Variants in INTS10 observed in about 807,000 individuals in gnomAD.
INTS10 encodes the protein integrator complex subunit 10, also known as chromosome 8 open reading frame 35.
A neutral mutation model predicts 94.4 loss-of-function variants in INTS10; 44 were observed. That is an observed-to-expected ratio of 0.47 (90% confidence interval 0.37 to 0.60). INTS10 has a LOEUF of 0.60. INTS10 is among the 20% of genes least tolerant of loss of function. INTS10 has a pLI of 0.00. For missense variants in INTS10, 797 were observed against 868.7 expected (o/e 0.92, Z 1.04); for synonymous variants, 341 against 320.7 (o/e 1.06, Z -0.68).
At position 19,851,877 on chromosome 8, in the gene INTS10, A is replaced by G. The variant is rs966201771; in HGVS notation, c.*72A>G. The G allele has an allele frequency of 5.3e-5, 72 of 1,360,870 alleles. No homozygotes were observed. The African/African-American group carries it at 8.6e-4, about 16-fold the overall frequency. 84.3% of individuals were successfully genotyped at this position (1,360,870 alleles called of 1,614,324 possible). ...GAGAAGACACTCAGCAGTGATTGCC[A>G]TGGCACAGAGCCGTGGTCATTGTTG... On this transcript the variant is annotated 3_prime_UTR_variant, in exon 17 of 17. Coordinates refer to ENST00000397977, the MANE Select transcript of INTS10 (RefSeq NM_018142.4). The surrounding 1 kb of genome is among the most constrained non-coding windows in gnomAD (Gnocchi z 5.0).
chr8:19,819,811 A>G (rs1300080567), intron 3 of INTS10, 135 bp downstream of exon 3: 3 of 625,638 alleles, frequency 4.8e-6, no homozygotes, highest in South Asian at 2.3e-5. Context: ...AGTCTATAAT[A>G]ATGTCACTCG....
At position 19,817,492 on chromosome 8, in the gene INTS10, G is replaced by C; in HGVS notation, c.-46G>C. ...CCGTGGCGGCTGAGAGTCCAGAGCCGGACGTTCCGGCCGCTTCGGGCTGGC... is the reference window on the plus strand; with the variant it reads ...CCGTGGCGGCTGAGAGTCCAGAGCCCGACGTTCCGGCCGCTTCGGGCTGGC... On this transcript the variant is annotated 5_prime_UTR_variant, in exon 1 of 17. Coordinates refer to ENST00000397977, the MANE Select transcript of INTS10 (RefSeq NM_018142.4). 1 of 1,584,818 alleles carries C rather than the reference G, an allele frequency of 6.3e-7. No individual in the cohort carries two copies. The highest frequency in any genetic ancestry group is 1.3e-5 in the African/African-American group (1 of 74,532).
chr8:19,851,697 TC>T lies in INTS10; in HGVS notation c.2026del (p.Arg676AlafsTer15), dbSNP rs1563490007. 6.2e-7 allele frequency: 1 copy of T among 1,614,166 alleles called. No individual in the cohort carries two copies. The highest frequency in any genetic ancestry group is 1.1e-5 in the South Asian group (1 of 91,082). On this transcript the variant is annotated frameshift_variant, in exon 17 of 17. Coordinates refer to ENST00000397977, the MANE Select transcript of INTS10 (RefSeq NM_018142.4). LOFTEE classifies it high-confidence loss of function. The surrounding 1 kb of genome is among the most constrained non-coding windows in gnomAD (Gnocchi z 5.0). ...TCACCAAAGGCGTGAAGGAGGACTT[TC>T]GCCTGGCCATGGAGCGCCAGGTCTC... The part of the protein sequence containing the change: ...GITKGVKEDF[R>X]LAMERQVSRC...
At chr8:19,830,628 A>G (rs1482373818) in intron 10 of INTS10, 69 bp downstream of exon 10, 2 of 1,429,860 alleles carry the variant, frequency 1.4e-6, no homozygotes, top group Non-Finnish European at 1.9e-6. Context: ...TTCAAATGTC[A>G]GGTCACTTAC....
At chr8:19,819,247 C>G (rs991514987) in intron 2 of INTS10, among the ~76,000 whole-genome samples, 2 of 152,144 alleles carry the variant, frequency 1.3e-5, no homozygotes, top group African/African-American at 2.4e-5. Context: ...TTCAACTGTT[C>G]TCTTTGGCTG....
chr8:19,839,396 C>G (rs1387011243), intron 13 of INTS10, among the ~76,000 whole-genome samples: 1 of 151,804 alleles, frequency 6.6e-6, no homozygotes, highest in East Asian at 1.9e-4. Flanking sequence ...ATATGAGTAC[C>G]TTTATTCACA....
At chr8:19,827,199 C>T (rs1424786607) in intron 9 of INTS10, among the ~76,000 whole-genome samples, 1 of 152,112 alleles carries the variant, frequency 6.6e-6, no homozygotes, top group African/African-American at 2.4e-5. Flanking sequence ...CAGGCAGTAC[C>T]CCGAGCCCGT....
At chr8:19,830,657 C>T (rs752052673) in intron 10 of INTS10, 98 bp downstream of exon 10, 1 of 1,128,282 alleles carries the variant, frequency 8.9e-7, no homozygotes, top group Non-Finnish European at 1.3e-6. Flanking sequence ...AAGTTGATTA[C>T]AGTAGTTCAT....
At chr8:19,830,919 A>T (rs1038542335) in intron 10 of INTS10, among the ~76,000 whole-genome samples, 1 of 152,124 alleles carries the variant, frequency 6.6e-6, no homozygotes, top group Non-Finnish European at 1.5e-5. Context: ...TGATCCGCCC[A>T]CCTTGGCCTC....
intron 4 of INTS10, 52 bp from the exon 5 acceptor site, chr8:19,822,387 C>A: frequency 1.8e-6 from 2 of 1,097,964 alleles, no homozygotes; most frequent in Non-Finnish European, 2.8e-6. Context: ...TCATATAGTT[C>A]TGACAACTTA....
chr8:19,845,269 A>T (rs2068481899), intron 15 of INTS10, among the ~76,000 whole-genome samples: 1 of 152,118 alleles, frequency 6.6e-6, no homozygotes, highest in Non-Finnish European at 1.5e-5. Context: ...ATTTTTATGA[A>T]TTTTATGTTC....
chr8:19,829,732 G>A lies in INTS10; in HGVS notation c.1141-674G>A, dbSNP rs554771612. On this transcript the variant is annotated intron_variant, in intron 9 of 16. Transcript: ENST00000397977. ...CGCCCAGGCTGGAGTGCAGTGGTGC[G>A]GTCTCTGCTCACTGCAACCTCTGCC... 2.6e-5 allele frequency among the ~76,000 whole-genome samples: 4 copies of A among 152,204 alleles called. No individual in the cohort carries two copies. The East Asian group carries it at 5.8e-4, about 22-fold the overall frequency.
rs765734517 is a variant in INTS10 at position 19,851,707 on chromosome 8, A to G, written c.2035A>G (p.Met679Val). Residue 679 changes from methionine (M) to valine (V), a missense_variant, in exon 17 of 17, where the codon ATG (methionine) becomes GTG (valine). By Grantham distance (21) the Met-to-Val change is conservative. Coordinates refer to ENST00000397977, the MANE Select transcript of INTS10 (RefSeq NM_018142.4). This position sits in a 1 kb window ranked among gnomAD's most constrained non-coding sequence, Gnocchi z 5.0. ...CGTGAAGGAGGACTTTCGCCTGGCCATGGAGCGCCAGGTCTCCCGCTGTGG... is the reference window on the plus strand; with the variant it reads ...CGTGAAGGAGGACTTTCGCCTGGCCGTGGAGCGCCAGGTCTCCCGCTGTGG... ...KGVKEDFRLA[M>V]ERQVSRCGEN... 5.0e-6 allele frequency: 8 copies of G among 1,613,890 alleles called. No homozygotes were observed. Among genetic ancestry groups the G allele is most frequent in the East Asian group, 2.2e-5 (1 of 44,884 alleles).
rs2068614059 is a variant in INTS10, at chr8:19,846,680, A to T, written c.1976+883A>T. Among the ~76,000 whole-genome samples, 1 of 152,138 alleles carries T rather than the reference A, an allele frequency of 6.6e-6. No individual in the cohort carries two copies. Among genetic ancestry groups the T allele is most frequent in the Non-Finnish European group, 1.5e-5 (1 of 68,020 alleles). On this transcript the variant is annotated intron_variant, in intron 16 of 16. Coordinates refer to ENST00000397977, the MANE Select transcript of INTS10 (RefSeq NM_018142.4). The surrounding 1 kb of genome is among the most constrained non-coding windows in gnomAD (Gnocchi z 4.2). Reference sequence around the variant, plus strand: ...CACCATGCTCCCCTGAACTCACAAGATGTTACTAAAATTCCGGGTTGGCCC... The same window carrying T: ...CACCATGCTCCCCTGAACTCACAAGTTGTTACTAAAATTCCGGGTTGGCCC...
In INTS10 at chr8:19,843,653, G is replaced by A. The variant is rs184622434; in HGVS notation, c.1720-423G>A. ...TGTGGCTCACCACCTTTCCTTCTCT[G>A]CAATCCCATGTTCTCTACAAACAGT... On this transcript the variant is annotated intron_variant, in intron 14 of 16. Transcript: ENST00000397977. The surrounding 1 kb of genome is among the most constrained non-coding windows in gnomAD (Gnocchi z 4.7). 2.0e-5 allele frequency among the ~76,000 whole-genome samples: 3 copies of A among 152,220 alleles called. No homozygotes were observed. Among genetic ancestry groups the A allele is most frequent in the South Asian group, 2.1e-4 (1 of 4,822 alleles).
rs999227443 is a variant in INTS10, at chr8:19,846,091, A to G, written c.1976+294A>G. Among the ~76,000 whole-genome samples, 18 of 152,238 alleles carry G rather than the reference A, an allele frequency of 1.2e-4. No individual in the cohort carries two copies. The highest frequency in any genetic ancestry group is 3.9e-4 in the East Asian group (2 of 5,174). ...TTTCAAAAATTTATAGGGTGAGTCT[A>G]TAAGTTTCTGATTAGTCACAGAGTG... On this transcript the variant is annotated intron_variant, in intron 16 of 16. Coordinates refer to ENST00000397977, the MANE Select transcript of INTS10 (RefSeq NM_018142.4). The surrounding 1 kb of genome is among the most constrained non-coding windows in gnomAD (Gnocchi z 4.2).
chr8:19,838,457 A>G (rs2067849665), intron 13 of INTS10, among the ~76,000 whole-genome samples: 1 of 152,216 alleles, frequency 6.6e-6, no homozygotes, highest in South Asian at 2.1e-4. Flanking sequence ...GTTATCAAAA[A>G]CCTTCCACAA....
In INTS10 at chr8:19,826,426, G is replaced by T. The variant is rs1185867227; in HGVS notation, c.1007G>T (p.Gly336Val). The change falls in exon 9 of 17, where the codon GGT becomes GTT. Residue 336 changes from glycine (G) to valine (V), a missense_variant and splice_region_variant. Transcript: ENST00000397977. The part of the protein sequence containing the change: ...VNSIQPSLFQ[G>V]PNAPSQVPLV... ...TGTTGGTGTTTTTCCCCGTCCTTAG[G>T]TCCTAATGCCCCGAGCCAAGTTCCA... 6.2e-7 allele frequency: 1 copy of T among 1,608,398 alleles called. No homozygotes were observed.
chr8:19,817,671 G>C lies in INTS10; in HGVS notation c.129+5G>C, dbSNP rs747133253. 3.1e-6 allele frequency: 5 copies of C among 1,602,770 alleles called. No homozygotes were observed. In the South Asian group the frequency reaches 5.6e-5, roughly 18 times the overall value. On this transcript the variant is annotated splice_donor_5th_base_variant and intron_variant, in intron 1 of 16. Coordinates refer to ENST00000397977, the MANE Select transcript of INTS10 (RefSeq NM_018142.4). ...CCGGCAGACTTTAACATCCAGGTGA[G>C]GTCCCGGCTGTGCATGCGGCCGCTC...
Sources: allele counts gnomAD v4.1 joint callset (sites outside exome capture counted in the v4.1 genomes callset), GRCh38; gene constraint gnomAD v4.1.1; non-coding constraint Gnocchi (gnomAD v3.1); transcripts MANE v1.5; gene names NCBI Gene and HGNC (gene_info 2026-07-23, HGNC 2026-07-21).